VPS35: variants seen among roughly 807,000 people sequenced by gnomAD.
VPS35 encodes the protein VPS35 retromer complex component.
In VPS35, 21 loss-of-function variants were observed where a neutral mutation model predicts 98.1. That is an observed-to-expected ratio of 0.21 (90% CI 0.15 to 0.31). The LOEUF is 0.31. Among genes scored for constraint, VPS35 ranks in the 10% least tolerant of loss-of-function variants. The pLI is 1.00. For missense variants in VPS35, 554 were observed against 950.8 expected, an observed-to-expected ratio of 0.58 and a Z score of 5.49; for synonymous variants, 268 against 318.2, an observed-to-expected ratio of 0.84 and a Z score of 1.68.
chr16:46,680,616 T>G, intron 5 of VPS35, 55 bp downstream of exon 5: 5 of 1,562,668 alleles, frequency 3.2e-6, no homozygotes, highest in Non-Finnish European at 4.4e-6. Flanking sequence ...CACACTTTTA[T>G]ACATTCTACA....
At position 46,676,420 on chromosome 16, in the gene VPS35, A is replaced by G. The variant is rs1170727400; in HGVS notation, c.914+163T>C. On this transcript the variant is annotated intron_variant, in intron 8 of 16. Coordinates refer to ENST00000299138, the MANE Select transcript of VPS35 (RefSeq NM_018206.6). ...GCCTCTTTCATGTCTAACCTAGACA[A>G]GTACCTAGTACTCATACTCACAAAG... 3.5e-5 allele frequency: 22 copies of G among 621,412 alleles called. 2 individuals carry two copies. Among genetic ancestry groups the G allele is most frequent in the South Asian group, 3.3e-4 (17 of 51,082 alleles). 38.5% of individuals were successfully genotyped at this position (621,412 alleles called of 1,614,324 possible).
chr16:46,664,105 C>T (rs773914884), intron 13 of VPS35, among the ~76,000 whole-genome samples: 46 of 151,978 alleles, frequency 3.0e-4, no homozygotes, highest in Non-Finnish European at 5.6e-4. Flanking sequence ...CTAAATCTAC[C>T]ACCCACGGAT....
chr16:46,672,473 C>A lies in VPS35; in HGVS notation c.1161-1G>T. ...TGAAACTGCACTACTGGTAGCAATA[C>A]TACAAAAAGAAAAACAGAAGTCTTA... On this transcript the variant is annotated splice_acceptor_variant, in intron 10 of 16. Coordinates refer to ENST00000299138, the MANE Select transcript of VPS35 (RefSeq NM_018206.6). LOFTEE classifies it high-confidence loss of function. 1 of 1,611,198 alleles carries A rather than the reference C, an allele frequency of 6.2e-7. No individual in the cohort carries two copies. The highest frequency in any genetic ancestry group is 8.5e-7 in the Non-Finnish European group (1 of 1,179,032).
intron 8 of VPS35, among the ~76,000 whole-genome samples, chr16:46,676,170 A>T (rs1190182890): frequency 6.6e-6 from 1 of 151,836 alleles, no homozygotes. Context: ...TGATAGAGTG[A>T]TTACTTGAAC....
chr16:46,681,332 G>A, intron 4 of VPS35, 45 bp downstream of exon 4: 1 of 1,611,588 alleles, frequency 6.2e-7, no homozygotes, highest in Non-Finnish European at 8.5e-7. Flanking sequence ...GTAACATATA[G>A]TGAGAAATAC....
rs753137936 is a variant in VPS35, at chr16:46,672,280, A to G, written c.1353T>C (p.Ile451=). 5 of 1,613,768 alleles carry G rather than the reference A, an allele frequency of 3.1e-6. No homozygotes were observed. The highest frequency in any genetic ancestry group is 3.3e-4 in the Middle Eastern group (2 of 6,020). ...ATTCTCTTACCTGGTCTTGAGAGAC[A>G]ATTTCTGTGTTATAATCCAGAACAT... ...LSNVLDYNTE[I]VSQDQVDSIM... Residue 451 remains isoleucine (I), a synonymous_variant, in exon 11 of 17, where the codon ATT becomes ATC. Coordinates refer to ENST00000299138, the MANE Select transcript of VPS35 (RefSeq NM_018206.6).
chr16:46,688,669 G>T, intron 1 of VPS35: 1 of 1,054,994 alleles, frequency 9.5e-7, no homozygotes, highest in Non-Finnish European at 1.1e-6. Context: ...CTCCAGGAGG[G>T]CGTGGGGACG....
chr16:46,676,799 A>C, intron 7 of VPS35, 107 bp from the exon 8 acceptor site: 1 of 792,662 alleles, frequency 1.3e-6, no homozygotes, highest in Non-Finnish European at 2.2e-6. Flanking sequence ...TTCTTATACA[A>C]CTAAATTCAA....
At chr16:46,676,065 CAA>C (rs369452932) in intron 8 of VPS35, among the ~76,000 whole-genome samples, 1 of 63,592 alleles carries the variant, frequency 1.6e-5, no homozygotes, top group Non-Finnish European at 2.7e-5. Flanking sequence ...GGATCTGTCT[CAA>C]AAAAAAAAAA....
At chr16:46,666,711 C>T (rs565455844) in intron 13 of VPS35, among the ~76,000 whole-genome samples, 1 of 152,292 alleles carries the variant, frequency 6.6e-6, no homozygotes, top group East Asian at 1.9e-4. Flanking sequence ...CAATGTCCTC[C>T]AGATTAATCC....
At chr16:46,662,526 C>T in intron 14 of VPS35, 44 bp from the exon 15 acceptor site, 1 of 1,608,266 alleles carries the variant, frequency 6.2e-7, no homozygotes, top group East Asian at 2.2e-5. Context: ...ACCAACCATC[C>T]TCTAGTTGAG....
intron 8 of VPS35, 80 bp from the exon 9 acceptor site, chr16:46,674,740 T>C (rs140065133): frequency 8.2e-7 from 1 of 1,219,172 alleles, no homozygotes; most frequent in African/African-American, 1.5e-5. Context: ...TCTTATTCTT[T>C]ATTGCTTTTC....
At position 46,659,435 on chromosome 16, in the gene VPS35, T is replaced by C. The variant is rs1341555727; in HGVS notation, c.*1037A>G. The C allele has an allele frequency of 6.6e-6, 1 of 152,174 alleles. No individual in the cohort carries two copies. Among genetic ancestry groups the C allele is most frequent in the Non-Finnish European group, 1.5e-5 (1 of 68,032 alleles). 9.4% of individuals were successfully genotyped at this position (152,174 alleles called of 1,614,324 possible). A position where few individuals can be genotyped will look rare whatever the true frequency, so the allele number is the denominator to read the frequency against. ...TTATATAGTAGGTAACTAGTATCGG[T>C]GGTGAGCCTTTGGGGGGTTTATGTG... is the stretch of plus-strand genomic sequence containing the variant. On this transcript the variant is annotated 3_prime_UTR_variant, in exon 17 of 17. Transcript: ENST00000299138.
At chr16:46,680,042 GTTCTT>G (rs1440650337) in intron 5 of VPS35, among the ~76,000 whole-genome samples, 1 of 152,088 alleles carries the variant, frequency 6.6e-6, no homozygotes, top group African/African-American at 2.4e-5. Flanking sequence ...AAGGAATGAA[GTTCTT>G]TAATCTGGGG....
At chr16:46,669,752 TA>T (rs1966041692) in intron 12 of VPS35, among the ~76,000 whole-genome samples, 1 of 152,020 alleles carries the variant, frequency 6.6e-6, no homozygotes, top group Non-Finnish European at 1.5e-5. Flanking sequence ...CAGATGCTAA[TA>T]CTTATTACAT....
intron 13 of VPS35, among the ~76,000 whole-genome samples, chr16:46,666,417 C>T (rs981795985): frequency 2.6e-5 from 4 of 151,812 alleles, no homozygotes; most frequent in East Asian, 1.9e-4. Flanking sequence ...TACAGGCATG[C>T]GCCACCACGC....
At chr16:46,675,017 C>T (rs1966125668) in intron 8 of VPS35, among the ~76,000 whole-genome samples, 1 of 151,748 alleles carries the variant, frequency 6.6e-6, no homozygotes, top group Non-Finnish European at 1.5e-5. Context: ...TGGTACTGAC[C>T]TGGACTCAAG....
chr16:46,681,232 C>T (rs1440551142), intron 4 of VPS35, 145 bp downstream of exon 4: 3 of 1,177,486 alleles, frequency 2.5e-6, no homozygotes, highest in Admixed American at 4.0e-5. Flanking sequence ...TACTCTAAAA[C>T]AAGTAAGAGA....
chr16:46,656,842 C>T lies in VPS35; in HGVS notation c.*3630G>A, dbSNP rs1567465460. 3.9e-5 allele frequency: 6 copies of T among 152,126 alleles called. No homozygotes were observed. The highest frequency in any genetic ancestry group is 9.7e-5 in the African/African-American group (4 of 41,420). The allele number at this position is 152,126 out of a possible 1,614,324, so 9.4% of individuals were successfully genotyped here. On this transcript the variant is annotated 3_prime_UTR_variant, in exon 17 of 17. Coordinates refer to ENST00000299138, the MANE Select transcript of VPS35 (RefSeq NM_018206.6). ...CAACATGGTGAAACCCCCATCTGTA[C>T]TAAAAATACAAAAATTAGCCAGGCA...
Sources: gnomAD v4.1 joint callset for allele counts (sites outside exome capture counted in the v4.1 genomes callset) on GRCh38, gnomAD v4.1.1 for gene constraint, MANE v1.5 for transcripts, NCBI Gene and HGNC (gene_info 2026-07-23, HGNC 2026-07-21) for gene names.